Variants in FHOD3 observed in about 807,000 individuals in gnomAD.
FHOD3 encodes the protein FH1/FH2 domain-containing protein 3.
FHOD3 carries 90 observed loss-of-function variants against 173.0 expected under a neutral mutation model. The ratio of observed to expected loss-of-function variants is 0.52; its 90% CI spans 0.44 to 0.62. The LOEUF is 0.62. FHOD3 is among the 20% of genes least tolerant of loss of function. The probability of loss-of-function intolerance (pLI) is 0.00; values close to 1 mark genes in which losing one functional copy is unlikely to be tolerated. For synonymous variants in FHOD3, 828 were observed against 823.0 expected (o/e 1.01, Z -0.10); for missense variants, 1,945 against 2,034.7 (o/e 0.96, Z 0.85).
chr18:36,340,809 T>C (rs2045575126), intron 1 of FHOD3, among the ~76,000 whole-genome samples: 1 of 152,030 alleles, frequency 6.6e-6, no homozygotes, highest in South Asian at 2.1e-4. Context: ...GCTAATTTTT[T>C]TGTATTTTTA....
intron 3 of FHOD3, among the ~76,000 whole-genome samples, chr18:36,390,437 C>G (rs1170848380): frequency 1.3e-5 from 2 of 152,116 alleles, no homozygotes; most frequent in African/African-American, 4.8e-5. Context: ...CAGCCAGATG[C>G]CTCGTTGGTG....
At chr18:36,627,471 A>G (rs189241779) in intron 10 of FHOD3, among the ~76,000 whole-genome samples, 1 of 152,206 alleles carries the variant, frequency 6.6e-6, no homozygotes, top group Non-Finnish European at 1.5e-5. Flanking sequence ...GGCACGGTTC[A>G]CAGTCTTGAA....
intron 14 of FHOD3, among the ~76,000 whole-genome samples, chr18:36,673,569 T>TC (rs1361629099): frequency 6.6e-6 from 1 of 152,100 alleles, no homozygotes; most frequent in Non-Finnish European, 1.5e-5. Flanking sequence ...TAGTGAACAC[T>TC]CCCAGAGAGC....
chr18:36,370,399 C>T (rs1181418345), intron 2 of FHOD3, among the ~76,000 whole-genome samples: 20 of 151,900 alleles, frequency 1.3e-4, no homozygotes, highest in Admixed American at 1.1e-3. Flanking sequence ...CCTGGTTTCT[C>T]GGCATCCGGA....
intron 26 of FHOD3, among the ~76,000 whole-genome samples, chr18:36,759,640 G>T (rs1016952033): frequency 1.3e-5 from 2 of 152,184 alleles, no homozygotes; most frequent in African/African-American, 4.8e-5. Flanking sequence ...CAACGTCCAT[G>T]CAGTGGCAGA....
chr18:36,469,826 G>A (rs2053172537), intron 3 of FHOD3, among the ~76,000 whole-genome samples: 2 of 152,096 alleles, frequency 1.3e-5, no homozygotes, highest in Non-Finnish European at 2.9e-5. Flanking sequence ...AGGGGGTGGC[G>A]GCGGGGTCTG....
Position 36,609,594 on chromosome 18 carries a change from A to G in FHOD3, c.814-2358A>G, listed in dbSNP as rs61397338. Among the ~76,000 whole-genome samples the G allele has an allele frequency of 5.6e-3, 799 of 142,900 alleles. 10 individuals are homozygous for G. The highest frequency in any genetic ancestry group is 0.02 in the African/African-American group (760 of 38,616). The allele number at this position is 142,900 out of a possible 152,430, so 93.7% of individuals were successfully genotyped here. ...CTGAGCAAGGGGCAAGAGTTTCCCG[A>G]GTCTTTTTAGTTCTTTTTTTTTTTT... On this transcript the variant is annotated intron_variant, in intron 8 of 28. Coordinates refer to ENST00000590592, the MANE Select transcript of FHOD3 (RefSeq NM_001281740.3).
intron 3 of FHOD3, among the ~76,000 whole-genome samples, chr18:36,383,158 G>C (rs752223400): frequency 6.6e-6 from 1 of 152,148 alleles, no homozygotes; most frequent in Non-Finnish European, 1.5e-5. Flanking sequence ...TTCTGTTCTT[G>C]GGCAGGCTTC....
intron 13 of FHOD3, 134 bp downstream of exon 13, chr18:36,653,550 G>C (rs1356240991): frequency 3.0e-6 from 2 of 672,208 alleles, no homozygotes; most frequent in Non-Finnish European, 2.5e-6. Flanking sequence ...CACTTCATAG[G>C]TATTAATTAC....
chr18:36,598,421 A>G (rs941074959), intron 7 of FHOD3, among the ~76,000 whole-genome samples: 2 of 152,242 alleles, frequency 1.3e-5, no homozygotes, highest in African/African-American at 2.4e-5. Flanking sequence ...TGGGCTAACC[A>G]GAAGGCTTCA....
intron 3 of FHOD3, among the ~76,000 whole-genome samples, chr18:36,464,132 C>A (rs1372819641): frequency 6.6e-6 from 1 of 152,200 alleles, no homozygotes; most frequent in Non-Finnish European, 1.5e-5. Context: ...TGGACCGTAT[C>A]TGTGGCCAGG....
At chr18:36,471,334 G>T (rs1318363846) in intron 3 of FHOD3, among the ~76,000 whole-genome samples, 1 of 152,168 alleles carries the variant, frequency 6.6e-6, no homozygotes, top group Non-Finnish European at 1.5e-5. Context: ...GAGCCAGCTT[G>T]CATCCTGCTT....
Position 36,318,565 on chromosome 18 carries a change from CA to C in FHOD3, c.165+20566del, listed in dbSNP as rs2044243546. Among the ~76,000 whole-genome samples, 4 of 152,256 alleles carry C rather than the reference CA, an allele frequency of 2.6e-5. No homozygotes were observed. In the South Asian group the frequency reaches 8.3e-4, roughly 32 times the overall value. ...TGTATAGGAATGCTTGTGAATTTTGCACATTGATTTTGTATCCTGAGACTTT... is the reference window on the plus strand; with the variant it reads ...TGTATAGGAATGCTTGTGAATTTTGCCATTGATTTTGTATCCTGAGACTTT... On this transcript the variant is annotated intron_variant, in intron 1 of 28. Coordinates refer to ENST00000590592, the MANE Select transcript of FHOD3 (RefSeq NM_001281740.3).
chr18:36,759,231 GCAC>G (rs2042767025), intron 26 of FHOD3, 90 bp downstream of exon 26: 1 of 1,359,658 alleles, frequency 7.4e-7, no homozygotes, highest in Non-Finnish European at 1.0e-6. Context: ...TGAAGTGTCA[GCAC>G]CATTCAGTGC....
intron 17 of FHOD3, among the ~76,000 whole-genome samples, chr18:36,704,267 A>C (rs1055730279): frequency 6.6e-6 from 1 of 152,192 alleles, no homozygotes; most frequent in Non-Finnish European, 1.5e-5. Context: ...TGCTAAGTGC[A>C]TCCTAGCGAT....
At chr18:36,329,405 G>A (rs186498404) in intron 1 of FHOD3, among the ~76,000 whole-genome samples, 88 of 152,244 alleles carry the variant, frequency 5.8e-4, no homozygotes, top group African/African-American at 2.1e-3. Context: ...TTCCCACCTG[G>A]AACCCACTCC....
chr18:36,652,314 G>T (rs2036112396), intron 11 of FHOD3, among the ~76,000 whole-genome samples: 1 of 152,244 alleles, frequency 6.6e-6, no homozygotes, highest in East Asian at 1.9e-4. Context: ...GCCAGGTTTG[G>T]CCTGAGAGCC....
At chr18:36,344,350 A>T (rs986815437) in intron 1 of FHOD3, among the ~76,000 whole-genome samples, 1 of 152,212 alleles carries the variant, frequency 6.6e-6, no homozygotes, top group Non-Finnish European at 1.5e-5. Context: ...TCATTATCTC[A>T]AAAGGTATAG....
intron 3 of FHOD3, among the ~76,000 whole-genome samples, chr18:36,455,932 C>T (rs1403640341): frequency 6.6e-6 from 1 of 152,138 alleles, no homozygotes; most frequent in Non-Finnish European, 1.5e-5. Context: ...ACTTGGCAGA[C>T]ATGAATCTCT....
Sources: gnomAD v4.1 joint callset for allele counts (sites outside exome capture counted in the v4.1 genomes callset) on GRCh38, gnomAD v4.1.1 for gene constraint, MANE v1.5 for transcripts, NCBI Gene and HGNC (gene_info 2026-07-23, HGNC 2026-07-21) for gene names.